The following MSI2 variants were observed in gnomAD, a reference collection of about 807,000 sequenced individuals.
The protein encoded by MSI2 is musashi RNA binding protein 2, also known as RNA-binding protein Musashi homolog 2.
MSI2 carries 17 observed loss-of-function variants against 45.6 expected under a neutral mutation model. The observed-to-expected ratio is 0.37, with a 90% confidence interval of 0.26 to 0.56. The LOEUF is 0.56. MSI2 is among the 20% of genes least tolerant of loss of function. MSI2 has a pLI of 0.77. For synonymous variants in MSI2, 156 were observed against 158.2 expected, an observed-to-expected ratio of 0.99 and a Z score of 0.11; for missense variants, 293 against 444.2, an observed-to-expected ratio of 0.66 and a Z score of 3.06.
At position 57,529,795 on chromosome 17, in the gene MSI2, C is replaced by T. The variant is rs1413193580; in HGVS notation, c.454+71C>T. On this transcript the variant is annotated intron_variant, in intron 7 of 13. Coordinates refer to ENST00000284073, the MANE Select transcript of MSI2 (RefSeq NM_138962.4). The surrounding 1 kb of genome is among the most constrained non-coding windows in gnomAD (Gnocchi z 5.3). Reference sequence around the variant, plus strand: ...CCTCTCTGTCTGTCATCCCCAGTCCCACTGACAAAAGATACAGTGAAGAGT... The same window carrying T: ...CCTCTCTGTCTGTCATCCCCAGTCCTACTGACAAAAGATACAGTGAAGAGT... The T allele has an allele frequency of 6.2e-6, 8 of 1,299,554 alleles. No individual in the cohort carries two copies. In the South Asian group the frequency reaches 7.7e-5, roughly 13 times the overall value. 80.5% of individuals were successfully genotyped at this position (1,299,554 alleles called of 1,614,324 possible).
chr17:57,445,056 A>G (rs1028762623), intron 6 of MSI2, among the ~76,000 whole-genome samples: 1 of 152,188 alleles, frequency 6.6e-6, no homozygotes, highest in Non-Finnish European at 1.5e-5. Context: ...GGCGTTTTTC[A>G]TAGAAATTCC....
At chr17:57,619,257 A>G (rs1168372754) in intron 9 of MSI2, among the ~76,000 whole-genome samples, 1 of 152,204 alleles carries the variant, frequency 6.6e-6, no homozygotes. Flanking sequence ...GCGGGGCAGG[A>G]GGCAAGGGGC....
At chr17:57,256,897 G>GCCCCCCCC in intron 1 of MSI2, 93 bp downstream of exon 1, 1 of 790,036 alleles carries the variant, frequency 1.3e-6, no homozygotes, top group South Asian at 3.1e-5. Context: ...CATCTCCCGC[G>GCCCCCCCC]CCCCCCCGCC....
the MSI2 span, among the ~76,000 whole-genome samples, chr17:57,693,727 G>A: frequency 1.3e-5 from 2 of 152,186 alleles, no homozygotes; most frequent in Non-Finnish European, 2.9e-5. Flanking sequence ...TGACTGCTTT[G>A]TTTCTTGACA....
At chr17:57,610,320 C>T (rs1165459142) in intron 8 of MSI2, among the ~76,000 whole-genome samples, 5 of 152,086 alleles carry the variant, frequency 3.3e-5, no homozygotes, top group Non-Finnish European at 5.9e-5. Context: ...GGCGTGGTGG[C>T]GTGCACCTAT....
intron 6 of MSI2, among the ~76,000 whole-genome samples, chr17:57,451,273 T>C (rs2085013557): frequency 6.6e-6 from 1 of 152,126 alleles, no homozygotes; most frequent in Non-Finnish European, 1.5e-5. Flanking sequence ...TGTGTGACGA[T>C]GTGGGTGCGT....
chr17:57,509,926 G>T (rs1445095287), intron 6 of MSI2, among the ~76,000 whole-genome samples: 1 of 151,998 alleles, frequency 6.6e-6, no homozygotes, highest in Non-Finnish European at 1.5e-5. Flanking sequence ...TCCTTCTGTT[G>T]TAGCACCTGA....
intron 6 of MSI2, among the ~76,000 whole-genome samples, chr17:57,515,480 C>T (rs1180738740): frequency 6.6e-6 from 1 of 152,222 alleles, no homozygotes; most frequent in Non-Finnish European, 1.5e-5. Flanking sequence ...GCTGGGATTA[C>T]AGGTGTGAGC....
intron 5 of MSI2, among the ~76,000 whole-genome samples, chr17:57,348,666 C>T (rs1159051872): frequency 2.6e-5 from 4 of 152,150 alleles, no homozygotes; most frequent in East Asian, 1.9e-4. Context: ...CGCTGGAAGC[C>T]GTGCAGATGT....
chr17:57,347,045 G>A (rs2143820767), intron 5 of MSI2, among the ~76,000 whole-genome samples: 1 of 152,302 alleles, frequency 6.6e-6, no homozygotes, highest in East Asian at 1.9e-4. Flanking sequence ...ATTCAGGGCT[G>A]CATCTTAGGC....
At chr17:57,656,390 C>CT (rs1436166180) in intron 11 of MSI2, among the ~76,000 whole-genome samples, 1 of 152,186 alleles carries the variant, frequency 6.6e-6, no homozygotes, top group Non-Finnish European at 1.5e-5. Context: ...CAGAGCAGAT[C>CT]TTTTTTTATT....
intron 7 of MSI2, among the ~76,000 whole-genome samples, chr17:57,553,288 T>C (rs2087349927): frequency 1.3e-5 from 2 of 152,158 alleles, no homozygotes; most frequent in African/African-American, 4.8e-5. Context: ...CAGCCCAAAC[T>C]GAAAGCTGTT....
intron 11 of MSI2, among the ~76,000 whole-genome samples, chr17:57,663,021 G>A (rs1912101907): frequency 6.6e-6 from 1 of 152,244 alleles, no homozygotes; most frequent in South Asian, 2.1e-4. Context: ...TCTCTGGGAA[G>A]ACAGACGTCC....
chr17:57,389,806 A>G (rs745792413), intron 5 of MSI2, among the ~76,000 whole-genome samples: 48 of 152,184 alleles, frequency 3.2e-4, no homozygotes, highest in Non-Finnish European at 8.8e-5. Flanking sequence ...ACATATAGGT[A>G]TTGCCCCCAC....
rs535513682 is a variant in MSI2 at position 57,416,552 on chromosome 17, G to C, written c.405+15081G>C. Among the ~76,000 whole-genome samples the C allele has an allele frequency of 1.1e-3, 166 of 152,270 alleles. 1 individual carries two copies. The highest frequency in any genetic ancestry group is 3.9e-3 in the African/African-American group (163 of 41,538). On this transcript the variant is annotated intron_variant, in intron 6 of 13. Transcript: ENST00000284073. ...CTTCTCGTGGACTGGGATTTTTCTC[G>C]TACTGTCTGTGACATCCCTTCTTGA...
At chr17:57,689,825 T>A in the MSI2 span, among the ~76,000 whole-genome samples, 3 of 152,196 alleles carry the variant, frequency 2.0e-5, no homozygotes, top group Admixed American at 6.5e-5. Context: ...TCAGCATGCG[T>A]TTTCAGATTC....
the MSI2 span, among the ~76,000 whole-genome samples, chr17:57,699,397 T>C: frequency 6.6e-6 from 1 of 151,728 alleles, no homozygotes; most frequent in Non-Finnish European, 1.5e-5. Flanking sequence ...GGTAAGACCT[T>C]TCTCACCTTC....
chr17:57,321,988 G>A (rs1433342166), intron 5 of MSI2, among the ~76,000 whole-genome samples: 3 of 152,148 alleles, frequency 2.0e-5, no homozygotes, highest in Non-Finnish European at 4.4e-5. Flanking sequence ...ATAGTGACGA[G>A]GTTTTCCCAT....
At chr17:57,563,996 C>T (rs1034335019) in intron 7 of MSI2, among the ~76,000 whole-genome samples, 3 of 152,194 alleles carry the variant, frequency 2.0e-5, no homozygotes, top group African/African-American at 7.2e-5. Flanking sequence ...AGGCGTGTCA[C>T]ATTTCCCAAG....
Sources: allele counts gnomAD v4.1 joint callset (sites outside exome capture counted in the v4.1 genomes callset), GRCh38; gene constraint gnomAD v4.1.1; non-coding constraint Gnocchi (gnomAD v3.1); transcripts MANE v1.5; gene names NCBI Gene and HGNC (gene_info 2026-07-23, HGNC 2026-07-21).